The following TMEM218 variants were observed in gnomAD, a reference collection of about 807,000 sequenced individuals.
TMEM218 encodes the protein transmembrane protein 218.
TMEM218 carries 8 observed loss-of-function variants against 10.0 expected under a neutral mutation model. That is an observed-to-expected ratio of 0.80 (90% confidence interval 0.47 to 1.44). TMEM218 has a LOEUF of 1.44. Ranked by LOEUF, TMEM218 falls within the 40% of genes most tolerant of loss-of-function variation. The pLI is 0.00. For synonymous variants in TMEM218, 66 were observed against 63.5 expected (o/e 1.04, Z -0.18); for missense variants, 110 against 140.1 (o/e 0.79, Z 1.08).
chr11:125,104,563 T>C (rs748208075), intron 1 of TMEM218: 1 of 152,252 alleles, frequency 6.6e-6, no homozygotes, highest in African/African-American at 2.4e-5. Flanking sequence ...ACAAGTTTAT[T>C]TTCTGTCTGT....
At chr11:125,110,624 T>G (rs1320671) in intron 1 of TMEM218, 66,650 of 151,978 alleles carry the variant, frequency 0.44, 15,074 homozygotes, top group Middle Eastern at 0.54. Context: ...CATTATAAGA[T>G]GACTTATAAG....
chr11:125,111,080 T>C (rs1953855442), intron 1 of TMEM218, among the ~76,000 whole-genome samples: 1 of 152,088 alleles, frequency 6.6e-6, no homozygotes, highest in Non-Finnish European at 1.5e-5. Context: ...CTTGCATCCC[T>C]CTCCTGGACG....
rs1429812371 is a variant in TMEM218, at chr11:125,096,465, A to C, written c.*1141T>G. On this transcript the variant is annotated 3_prime_UTR_variant, in exon 5 of 5. Transcript: ENST00000682305. ...ACTGGCTGTTAGGTGAAGGTTGGGCAAGTCAGCTGATCTCTTTAAGCTTCC... is the reference window on the plus strand; with the variant it reads ...ACTGGCTGTTAGGTGAAGGTTGGGCCAGTCAGCTGATCTCTTTAAGCTTCC... The C allele has an allele frequency of 1.3e-5, 2 of 152,100 alleles. No homozygotes were observed. Among genetic ancestry groups the C allele is most frequent in the Non-Finnish European group, 2.9e-5 (2 of 67,966 alleles). 9.4% of individuals were successfully genotyped at this position (152,100 alleles called of 1,614,324 possible).
chr11:125,099,199 ACCC>A (rs1423912750), intron 4 of TMEM218, among the ~76,000 whole-genome samples: 1 of 152,188 alleles, frequency 6.6e-6, no homozygotes, highest in African/African-American at 2.4e-5. Flanking sequence ...TCCAGAGATT[ACCC>A]CAACAGTCAA....
intron 3 of TMEM218, 168 bp from the exon 4 acceptor site, chr11:125,101,471 G>C: frequency 6.5e-7 from 1 of 1,532,260 alleles, no homozygotes; most frequent in Non-Finnish European, 8.7e-7. Context: ...CTTCTTCCTA[G>C]ACAGGTACCA....
At chr11:125,110,852 G>GGT (rs1555093519) in intron 1 of TMEM218, 1 of 137,162 alleles carries the variant, frequency 7.3e-6, no homozygotes, top group Non-Finnish European at 1.6e-5. Flanking sequence ...AAAAATAACG[G>GGT]GGGGGGGGGG....
chr11:125,109,681 CCA>C (rs1953241392), intron 1 of TMEM218, among the ~76,000 whole-genome samples: 1 of 152,206 alleles, frequency 6.6e-6, no homozygotes, highest in Non-Finnish European at 1.5e-5. Flanking sequence ...GGTCTGACCT[CCA>C]GTCTTAGCTG....
At chr11:125,105,950 T>C (rs547476545) in intron 1 of TMEM218, among the ~76,000 whole-genome samples, 1 of 152,248 alleles carries the variant, frequency 6.6e-6, no homozygotes, top group South Asian at 2.1e-4. Flanking sequence ...TTCTCTTAGA[T>C]TTTTCTTTTT....
At chr11:125,105,717 A>T (rs1951960146) in intron 1 of TMEM218, among the ~76,000 whole-genome samples, 2 of 152,168 alleles carry the variant, frequency 1.3e-5, no homozygotes, top group African/African-American at 4.8e-5. Context: ...ACATACAGGT[A>T]AACAGCAAGC....
intron 1 of TMEM218, 75 bp from the exon 2 acceptor site, chr11:125,102,884 T>C (rs1156635535): frequency 5.3e-6 from 2 of 380,576 alleles, no homozygotes; most frequent in African/African-American, 4.3e-5. Flanking sequence ...CATATCTCAT[T>C]GAATCCCGGA....
rs12422159 is a variant in TMEM218, at chr11:125,102,958, G to A, written c.-152-149C>T. On this transcript the variant is annotated intron_variant, in intron 1 of 4. Transcript: ENST00000682305. ...CAGGATGGGTAAGTGAGATATAAGC[G>A]CGATGGGGTATCTATTAGTTTCCTA... is the stretch of plus-strand genomic sequence containing the variant. 2.0e-4 allele frequency: 52 copies of A among 261,442 alleles called. 1 individual carries two copies. The highest frequency in any genetic ancestry group is 5.2e-4 in the African/African-American group (23 of 44,562). The allele number at this position is 261,442 out of a possible 1,614,324, so 16.2% of individuals were successfully genotyped here.
rs148355222 is a variant in TMEM218, at chr11:125,100,240, T to A, written c.213+961A>T. Among the ~76,000 whole-genome samples the A allele has an allele frequency of 1.2e-4, 19 of 152,360 alleles. No homozygotes were observed. In the East Asian group the frequency reaches 2.9e-3, roughly 23 times the overall value. On this transcript the variant is annotated intron_variant, in intron 4 of 4. Transcript: ENST00000682305. Reference sequence around the variant, plus strand: ...GAATATTCTGTTAAGTTCTCAACACTGAAGATTTTGAAGACGGACCTCAGC... The same window carrying A: ...GAATATTCTGTTAAGTTCTCAACACAGAAGATTTTGAAGACGGACCTCAGC...
intron 4 of TMEM218, among the ~76,000 whole-genome samples, chr11:125,099,317 G>A (rs919743054): frequency 3.9e-5 from 6 of 152,158 alleles, no homozygotes; most frequent in African/African-American, 9.7e-5. Context: ...CGTTCGACAC[G>A]TTTCACTTTT....
At chr11:125,102,518 T>G in intron 2 of TMEM218, 3 of 1,442,866 alleles carry the variant, frequency 2.1e-6, no homozygotes, top group Non-Finnish European at 2.7e-6. Flanking sequence ...TGTTTTCCGC[T>G]CTGCGCTCAG....
At chr11:125,106,271 C>A (rs1952117941) in intron 1 of TMEM218, among the ~76,000 whole-genome samples, 1 of 150,626 alleles carries the variant, frequency 6.6e-6, no homozygotes, top group Admixed American at 6.6e-5. Flanking sequence ...CCAAGTGAAA[C>A]AAAATAAAAT....
At position 125,108,761 on chromosome 11, in the gene TMEM218, C is replaced by T. The variant is rs532745535; in HGVS notation, c.-153+2778G>A. Reference sequence around the variant, plus strand: ...AAATACATTATGTTTATACAAAAACCGGAGTTAGGCTCTACACTCAGATAA... The same window carrying T: ...AAATACATTATGTTTATACAAAAACTGGAGTTAGGCTCTACACTCAGATAA... On this transcript the variant is annotated intron_variant, in intron 1 of 4. Coordinates refer to ENST00000682305, the MANE Select transcript of TMEM218 (RefSeq NM_001258244.2). The surrounding 1 kb of genome is among the most constrained non-coding windows in gnomAD (Gnocchi z 5.3). 7.2e-5 allele frequency among the ~76,000 whole-genome samples: 11 copies of T among 152,136 alleles called. No individual in the cohort carries two copies. The highest frequency in any genetic ancestry group is 9.6e-5 in the African/African-American group (4 of 41,496).
At position 125,108,316 on chromosome 11, in the gene TMEM218, A is replaced by G. The variant is rs1952781806; in HGVS notation, c.-153+3223T>C. Among the ~76,000 whole-genome samples the G allele has an allele frequency of 6.6e-6, 1 of 152,208 alleles. No homozygotes were observed. Among genetic ancestry groups the G allele is most frequent in the South Asian group, 2.1e-4 (1 of 4,828 alleles). On this transcript the variant is annotated intron_variant, in intron 1 of 4. Transcript: ENST00000682305. The surrounding 1 kb of genome is among the most constrained non-coding windows in gnomAD (Gnocchi z 5.3). ...GAGTTGGCTTTATGATTCAATGGGT[A>G]AAGAACTTCATAGATAGTGTTGGGA...
rs990944609 is a variant in TMEM218, at chr11:125,097,014, C to T, written c.*592G>A. ...GATTAAAAAGCCGTGGCCAAGAGTT[C>T]GAAGTGAAAGTCAGCCCTTTAGCTA... On this transcript the variant is annotated 3_prime_UTR_variant, in exon 5 of 5. Transcript: ENST00000682305. 3.3e-5 allele frequency: 5 copies of T among 152,244 alleles called. No homozygotes were observed. The highest frequency in any genetic ancestry group is 3.9e-4 in the East Asian group (2 of 5,186). 9.4% of individuals were successfully genotyped at this position (152,244 alleles called of 1,614,324 possible). A position where few individuals can be genotyped will look rare whatever the true frequency, so the allele number is the denominator to read the frequency against.
At position 125,102,744 on chromosome 11, in the gene TMEM218, A is replaced by G; in HGVS notation, c.-87T>C. 1 of 1,280,776 alleles carries G rather than the reference A, an allele frequency of 7.8e-7. No individual in the cohort carries two copies. 79.3% of individuals were successfully genotyped at this position (1,280,776 alleles called of 1,614,324 possible). A position where few individuals can be genotyped will look rare whatever the true frequency, so the allele number is the denominator to read the frequency against. ...TGAGCTGTGACTCACCAGGCAATGGATCACAAGACAGAAAGTTCCCACTCT... is the reference window on the plus strand; with the variant it reads ...TGAGCTGTGACTCACCAGGCAATGGGTCACAAGACAGAAAGTTCCCACTCT... On this transcript the variant is annotated 5_prime_UTR_variant, in exon 2 of 5. Transcript: ENST00000682305.
Sources: gnomAD v4.1 joint callset for allele counts (sites outside exome capture counted in the v4.1 genomes callset) on GRCh38, gnomAD v4.1.1 for gene constraint, Gnocchi (gnomAD v3.1) non-coding constraint, MANE v1.5 for transcripts, NCBI Gene and HGNC (gene_info 2026-07-23, HGNC 2026-07-21) for gene names.